Variants in MIER2 observed in about 807,000 individuals in gnomAD.
MIER2 encodes the protein MIER family member 2.
MIER2 carries 30 observed loss-of-function variants against 67.6 expected under a neutral mutation model. The ratio of observed to expected loss-of-function variants is 0.44; its 90% confidence interval spans 0.33 to 0.60. MIER2 has a LOEUF of 0.60. MIER2 is among the 20% of genes least tolerant of loss of function. The pLI, the probability that MIER2 is intolerant of heterozygous loss-of-function variation, is 0.02. For missense variants in MIER2, 702 were observed against 745.1 expected (o/e 0.94, Z 0.67); for synonymous variants, 372 against 312.6 (o/e 1.19, Z -2.00).
intron 1 of MIER2, among the ~76,000 whole-genome samples, chr19:343,198 C>T (rs1972580466): frequency 1.3e-5 from 2 of 152,226 alleles, no homozygotes; most frequent in Admixed American, 1.3e-4. Flanking sequence ...CGGAGCTCAG[C>T]CTAGAGCAGG....
intron 7 of MIER2, among the ~76,000 whole-genome samples, chr19:324,864 A>G (rs1271971786): frequency 6.6e-6 from 1 of 152,146 alleles, no homozygotes; most frequent in East Asian, 1.9e-4. Context: ...GTCCCCTCCG[A>G]CCCTGCCTTC....
At chr19:312,354 G>C (rs1002361863) in intron 8 of MIER2, 82 bp from the exon 9 acceptor site, 26 of 1,374,222 alleles carry the variant, frequency 1.9e-5, no homozygotes, top group South Asian at 3.6e-5. Flanking sequence ...CCAGCGAGTG[G>C]CATCAGGGGC....
At chr19:324,597 C>G (rs1272528943) in intron 7 of MIER2, among the ~76,000 whole-genome samples, 1 of 113,750 alleles carries the variant, frequency 8.8e-6, no homozygotes, top group Non-Finnish European at 1.8e-5. Flanking sequence ...ATGCAATACA[C>G]AAGACACACA....
chr19:327,739 G>A, intron 4 of MIER2, 125 bp downstream of exon 4: 1 of 1,446,510 alleles, frequency 6.9e-7, no homozygotes, highest in Non-Finnish European at 9.2e-7. Context: ...GTGGTCACAG[G>A]TACATTCTAC....
chr19:344,052 G>A, intron 1 of MIER2: 1 of 985,388 alleles, frequency 1.0e-6, no homozygotes, highest in South Asian at 4.7e-5. Context: ...AATATAGCTG[G>A]TCCCAAACAT....
chr19:327,190 G>C lies in MIER2; in HGVS notation c.436C>G (p.Leu146Val). 1 of 1,596,306 alleles carries C rather than the reference G, an allele frequency of 6.3e-7. No homozygotes were observed. The highest frequency in any genetic ancestry group is 8.5e-7 in the Non-Finnish European group (1 of 1,174,816). Residue 146 changes from leucine to valine, a missense_variant, in exon 5 of 14, where the codon CTC (leucine) becomes GTC (valine). Coordinates refer to ENST00000264819, the MANE Select transcript of MIER2 (RefSeq NM_017550.3). ...EEETQSSADD[L>V]TPSVTSHEAS... ...TCGTGGGAGGTCACGGACGGGGTGA[G>C]GTCGTCAGCAGATGATTGCGTCTCT...
intron 3 of MIER2, 183 bp downstream of exon 3, chr19:334,217 C>G: frequency 2.5e-6 from 2 of 804,626 alleles, no homozygotes; most frequent in Non-Finnish European, 3.9e-6. Flanking sequence ...CCGTGCTGCT[C>G]AGAGAGCCCC....
chr19:340,412 A>G (rs1972452258), intron 1 of MIER2: 1 of 152,258 alleles, frequency 6.6e-6, no homozygotes, highest in Non-Finnish European at 1.5e-5. Flanking sequence ...CAGTTGATAA[A>G]CACATATTTT....
intron 6 of MIER2, 112 bp downstream of exon 6, chr19:326,395 G>A (rs543316014): frequency 3.3e-5 from 30 of 921,430 alleles, no homozygotes; most frequent in East Asian, 1.5e-4. Context: ...GCAGAGCCAC[G>A]GCCGGGATGC....
chr19:315,322 G>A (rs11665790), intron 7 of MIER2, among the ~76,000 whole-genome samples: 26,667 of 151,558 alleles, frequency 0.18, 3,142 homozygotes, highest in African/African-American at 0.33. Context: ...CCAAGATCGC[G>A]CCACTGCACT....
At chr19:307,647 A>C (rs1179833739) in intron 12 of MIER2, 111 bp from the exon 13 acceptor site, 5 of 1,165,540 alleles carry the variant, frequency 4.3e-6, no homozygotes, top group Non-Finnish European at 4.6e-6. Flanking sequence ...CCTCCCCAGA[A>C]AAGCCTCCAC....
intron 7 of MIER2, among the ~76,000 whole-genome samples, chr19:317,871 A>G (rs1003924394): frequency 4.6e-5 from 7 of 152,214 alleles, no homozygotes; most frequent in Admixed American, 1.3e-4. Flanking sequence ...CATGGACTAA[A>G]AAGTCTATTA....
intron 1 of MIER2, among the ~76,000 whole-genome samples, chr19:338,476 A>G (rs1972363491): frequency 6.6e-6 from 1 of 152,224 alleles, no homozygotes; most frequent in Non-Finnish European, 1.5e-5. Flanking sequence ...TTCATGGCTG[A>G]GAAGACAACA....
Position 308,670 on chromosome 19 carries a change from G to A in MIER2, c.1110-5C>T, listed in dbSNP as rs767935196. ...TCCAGGTCCTGGTCTGCGTCCCTGT[G>A]GGGAGAGGGCGCCATGAGGGGCGGC... On this transcript the variant is annotated splice_polypyrimidine_tract_variant and splice_region_variant and intron_variant, in intron 11 of 13. Transcript: ENST00000264819. The surrounding 1 kb of genome is among the most constrained non-coding windows in gnomAD (Gnocchi z 9.1). 1.9e-6 allele frequency: 3 copies of A among 1,600,826 alleles called. No individual in the cohort carries two copies. The African/African-American group carries it at 4.0e-5, about 21-fold the overall frequency.
intron 7 of MIER2, among the ~76,000 whole-genome samples, chr19:318,785 G>T (rs978434102): frequency 1.3e-5 from 2 of 152,102 alleles, no homozygotes; most frequent in Admixed American, 1.3e-4. Context: ...GGCTGGGCGC[G>T]GTGGCTCACA....
chr19:324,519 C>T (rs146590395), intron 7 of MIER2, among the ~76,000 whole-genome samples: 6 of 138,626 alleles, frequency 4.3e-5, no homozygotes, highest in Non-Finnish European at 7.6e-5. Flanking sequence ...AGGACACAGA[C>T]GTCATCACAA....
intron 7 of MIER2, among the ~76,000 whole-genome samples, chr19:321,143 T>C (rs1971485257): frequency 6.6e-6 from 1 of 152,134 alleles, no homozygotes; most frequent in Admixed American, 6.5e-5. Flanking sequence ...TCACTGACAC[T>C]CTACACACAT....
intron 1 of MIER2, among the ~76,000 whole-genome samples, chr19:337,212 A>C (rs7251926): frequency 0.19 from 29,037 of 152,134 alleles, 4,240 homozygotes; most frequent in African/African-American, 0.4. Context: ...GCAACACATA[A>C]AGATGATTAT....
chr19:314,499 C>G (rs1040443866), intron 7 of MIER2, among the ~76,000 whole-genome samples: 1 of 152,158 alleles, frequency 6.6e-6, no homozygotes, highest in Non-Finnish European at 1.5e-5. Context: ...AATCAGTGCA[C>G]GGGAAGAAAT....
Sources: allele counts gnomAD v4.1 joint callset (sites outside exome capture counted in the v4.1 genomes callset), GRCh38; gene constraint gnomAD v4.1.1; non-coding constraint Gnocchi (gnomAD v3.1); transcripts MANE v1.5; gene names NCBI Gene and HGNC (gene_info 2026-07-23, HGNC 2026-07-21).